The following UCKL1 variants were observed in gnomAD, a reference collection of about 807,000 sequenced individuals.
UCKL1 encodes the protein uridine-cytidine kinase 1 like 1.
Under a neutral mutation model 59.2 loss-of-function variants are expected in UCKL1, and 65 were observed. The ratio of observed to expected loss-of-function variants is 1.10; its 90% CI spans 0.90 to 1.35. UCKL1 has a LOEUF of 1.35. Ranked by LOEUF, UCKL1 falls within the 40% of genes most tolerant of loss-of-function variation. The pLI is 0.00. For missense variants in UCKL1, 703 were observed against 784.3 expected, an observed-to-expected ratio of 0.90 and a Z score of 1.24; for synonymous variants, 410 against 323.1, an observed-to-expected ratio of 1.27 and a Z score of -2.88.
At chr20:63,952,290 A>G (rs1370765115) in intron 1 of UCKL1, among the ~76,000 whole-genome samples, 4 of 152,208 alleles carry the variant, frequency 2.6e-5, no homozygotes, top group Non-Finnish European at 4.4e-5. Context: ...TGGCATGGGC[A>G]TGCACCCTGG....
chr20:63,950,830 C>T (rs750254688), intron 1 of UCKL1: 167 of 1,524,102 alleles, frequency 1.1e-4, no homozygotes, highest in Non-Finnish European at 1.4e-4. Context: ...TGCTCATGGT[C>T]GAGGACACGG....
In UCKL1 at chr20:63,940,062, A is replaced by G. The variant is rs1267883799; in HGVS notation, c.1568-7T>C. 7.5e-6 allele frequency: 10 copies of G among 1,335,832 alleles called. No individual in the cohort carries two copies. The highest frequency in any genetic ancestry group is 1.0e-5 in the Non-Finnish European group (10 of 977,942). The allele number at this position is 1,335,832 out of a possible 1,614,324, so 82.7% of individuals were successfully genotyped here. ...TAGCGGTCGCCAAAGTTCCCTGGAAAAAGGGGGGGGGGGGTCCAGTGTGGT... is the reference window on the plus strand; with the variant it reads ...TAGCGGTCGCCAAAGTTCCCTGGAAGAAGGGGGGGGGGGGTCCAGTGTGGT... On this transcript the variant is annotated splice_polypyrimidine_tract_variant and splice_region_variant and intron_variant, in intron 14 of 14. Transcript: ENST00000354216.
Position 63,946,034 on chromosome 20 carries a change from C to T in UCKL1, c.412-59G>A, listed in dbSNP as rs142635904. On this transcript the variant is annotated intron_variant, in intron 3 of 14. Transcript: ENST00000354216. ...CAGTAGGGCCCTCACCCAATGCCAG[C>T]GGACAGGGGCTCTAGGCCTCCCAGG... The T allele has an allele frequency of 2.5e-4, 407 of 1,610,724 alleles. 1 individual carries two copies. In the East Asian group the frequency reaches 4.5e-3, roughly 18 times the overall value.
chr20:63,951,736 A>G (rs1055916674), intron 1 of UCKL1, among the ~76,000 whole-genome samples: 2 of 150,892 alleles, frequency 1.3e-5, no homozygotes, highest in African/African-American at 4.9e-5. Flanking sequence ...CCCAGGGCTC[A>G]GCAGGGCACA....
Position 63,940,498 on chromosome 20 carries a change from G to T in UCKL1, c.1303-13C>A. 6.2e-7 allele frequency: 1 copy of T among 1,608,954 alleles called. No homozygotes were observed. On this transcript the variant is annotated splice_polypyrimidine_tract_variant and intron_variant, in intron 12 of 14. Coordinates refer to ENST00000354216, the MANE Select transcript of UCKL1 (RefSeq NM_017859.4). ...TCAGGTAGTGGAGCTGCGGGCAGCAGGGGTCAGGCTGCAGGTGGGGCTCCC... is the reference window on the plus strand; with the variant it reads ...TCAGGTAGTGGAGCTGCGGGCAGCATGGGTCAGGCTGCAGGTGGGGCTCCC...
rs535296343 is a variant in UCKL1, at chr20:63,944,537, A to G, written c.844+8T>C. 19 of 1,606,278 alleles carry G rather than the reference A, an allele frequency of 1.2e-5. No homozygotes were observed. In the Admixed American group the frequency reaches 1.9e-4, roughly 16 times the overall value. On this transcript the variant is annotated splice_region_variant and intron_variant, in intron 6 of 14. Transcript: ENST00000354216. ...ACACCCACCCAACAGGCAGCCCAGC[A>G]GGCTCACCTCTGGGGACCACGATGT...
At chr20:63,944,145 C>T (rs1306298315) in intron 7 of UCKL1, among the ~76,000 whole-genome samples, 3 of 152,224 alleles carry the variant, frequency 2.0e-5, no homozygotes, top group Admixed American at 6.5e-5. Flanking sequence ...GCTGCACCCT[C>T]GGCTGGGTCC....
At chr20:63,950,279 C>G (rs999169545) in intron 1 of UCKL1, among the ~76,000 whole-genome samples, 1 of 152,182 alleles carries the variant, frequency 6.6e-6, no homozygotes, top group African/African-American at 2.4e-5. Context: ...ACAAGCAGCA[C>G]CCCTTGACAG....
intron 1 of UCKL1, among the ~76,000 whole-genome samples, chr20:63,948,014 G>A (rs536304375): frequency 3.9e-5 from 6 of 152,318 alleles, no homozygotes; most frequent in Non-Finnish European, 5.9e-5. Context: ...GGGCATCAAC[G>A]TGGCGCCTGC....
At position 63,944,423 on chromosome 20, in the gene UCKL1, G is replaced by A. The variant is rs1360427106; in HGVS notation, c.880C>T (p.Gln294Ter). 1 of 1,563,640 alleles carries A rather than the reference G, an allele frequency of 6.4e-7. No individual in the cohort carries two copies. The highest frequency in any genetic ancestry group is 8.7e-7 in the Non-Finnish European group (1 of 1,155,328). The change falls in exon 7 of 15, where the codon CAG (glutamine) becomes TAG (stop). Residue 294 changes from glutamine (Q) to a stop codon, truncating the protein, a stop_gained. Transcript: ENST00000354216. LOFTEE classifies it high-confidence loss of function. The part of the protein sequence containing the change: ...GNTVAIDLIV[Q>*]HVHSQLEERE... The stretch of plus-strand genomic sequence containing the variant: ...TCCTCCAGCTGGCTGTGCACGTGCT[G>A]CACAATCAGGTCGATGGCCACCGTG...
intron 1 of UCKL1, among the ~76,000 whole-genome samples, 192 bp from the exon 2 acceptor site, chr20:63,946,835 T>C (rs1357793389): frequency 1.3e-5 from 2 of 151,858 alleles, no homozygotes; most frequent in Non-Finnish European, 2.9e-5. Context: ...CCCAGTACTT[T>C]GGGAGGCCGA....
chr20:63,951,962 A>G (rs949026017), intron 1 of UCKL1, among the ~76,000 whole-genome samples: 2 of 152,176 alleles, frequency 1.3e-5, no homozygotes, highest in African/African-American at 2.4e-5. Context: ...TGGAGCTTCT[A>G]GTACTGAGGC....
At chr20:63,946,903 A>C (rs2056390972) in intron 1 of UCKL1, among the ~76,000 whole-genome samples, 1 of 150,906 alleles carries the variant, frequency 6.6e-6, no homozygotes, top group Non-Finnish European at 1.5e-5. Context: ...CATGGTGAAG[A>C]CCCGTCTCTA....
At chr20:63,947,528 G>T (rs1355373106) in intron 1 of UCKL1, among the ~76,000 whole-genome samples, 1 of 152,260 alleles carries the variant, frequency 6.6e-6, no homozygotes, top group African/African-American at 2.4e-5. Context: ...GAGAGAGGCA[G>T]AGGGCTCAGC....
In UCKL1 at chr20:63,946,464, G is replaced by C. The variant is rs1290864965; in HGVS notation, c.293C>G (p.Ala98Gly). 1.3e-6 allele frequency: 2 copies of C among 1,563,954 alleles called. No homozygotes were observed. Among genetic ancestry groups the C allele is most frequent in the Non-Finnish European group, 1.7e-6 (2 of 1,153,964 alleles). The change falls in exon 2 of 15, where the codon GCC becomes GGC. Residue 98 changes from alanine (A) to glycine (G), a missense_variant. By Grantham distance (60) the Ala-to-Gly change is moderately conservative. Coordinates refer to ENST00000354216, the MANE Select transcript of UCKL1 (RefSeq NM_017859.4). ...CCCGCTGCTCTCACCGATGGCGAAG[G>C]CCTCTTTGGATTGCGTGCCGTGTTC... ...YNEHGTQSKE[A>G]FAIGLGGGSA...
At position 63,941,174 on chromosome 20, in the gene UCKL1, G is replaced by A. The variant is rs1005393454; in HGVS notation, c.958C>T (p.Leu320=). The A allele has an allele frequency of 1.9e-6, 3 of 1,573,408 alleles. No homozygotes were observed. The highest frequency in any genetic ancestry group is 1.8e-5 in the Admixed American group (1 of 55,394). The change falls in exon 9 of 15, where the codon CTG becomes TTG. Residue 320 remains leucine, a synonymous_variant. Coordinates refer to ENST00000354216, the MANE Select transcript of UCKL1 (RefSeq NM_017859.4). ...TTCAGGACGCTCAGCGTCCGGGGCA[G>A]CGGGTGGCACTGGTGTGCCGAGGCC... is the stretch of plus-strand genomic sequence containing the variant. ...ALASAHQCHP[L]PRTLSVLKST...
chr20:63,943,777 G>A (rs2055354423), intron 7 of UCKL1, 108 bp from the exon 8 acceptor site: 2 of 1,520,236 alleles, frequency 1.3e-6, no homozygotes, highest in Non-Finnish European at 1.8e-6. Flanking sequence ...GGCCCGCGGG[G>A]ACACAGCCAG....
intron 1 of UCKL1, chr20:63,950,652 G>A: frequency 7.8e-7 from 1 of 1,277,434 alleles, no homozygotes; most frequent in Non-Finnish European, 1.0e-6. Flanking sequence ...CTGCCAGCCT[G>A]TTTGATTCCT....
Position 63,945,914 on chromosome 20 carries a change from T to A in UCKL1, c.473A>T (p.Asp158Val). 6.2e-7 allele frequency: 1 copy of A among 1,613,858 alleles called. No homozygotes were observed. The highest frequency in any genetic ancestry group is 8.5e-7 in the Non-Finnish European group (1 of 1,179,984). ...AHNNFNFDHP[D>V]AFDFDLIIST... Reference sequence around the variant, plus strand: ...AATGATGAGGTCGAAGTCAAAGGCATCTGGGTGGTCGAAGTTGAAGTTGTT... The same window carrying A: ...AATGATGAGGTCGAAGTCAAAGGCAACTGGGTGGTCGAAGTTGAAGTTGTT... The change falls in exon 4 of 15, where the codon GAT becomes GTT. Residue 158 changes from aspartate to valine, a missense_variant. Transcript: ENST00000354216.
Sources: gnomAD v4.1 joint callset for allele counts (sites outside exome capture counted in the v4.1 genomes callset) on GRCh38, gnomAD v4.1.1 for gene constraint, MANE v1.5 for transcripts, NCBI Gene and HGNC (gene_info 2026-07-23, HGNC 2026-07-21) for gene names.